AKAP7: variants seen among roughly 807,000 people sequenced by gnomAD.
AKAP7 encodes A-kinase anchoring protein 7.
A neutral mutation model predicts 39.5 loss-of-function variants in AKAP7; 39 were observed. The observed-to-expected ratio is 0.99, with a 90% confidence interval of 0.76 to 1.29. AKAP7 has a LOEUF of 1.29. AKAP7 is among the 50% of genes most tolerant of loss of function. The pLI is 0.00. For synonymous variants in AKAP7, 140 were observed against 139.1 expected (o/e 1.01, Z -0.05); for missense variants, 414 against 407.7 (o/e 1.02, Z -0.13).
chr6:131,132,843 G>A (rs1372765330), upstream of AKAP7, among the ~76,000 whole-genome samples: 3 of 152,176 alleles, frequency 2.0e-5, no homozygotes, highest in Admixed American at 1.3e-4. Flanking sequence ...CATTAATGAT[G>A]CTGAGTTTAA....
chr6:131,207,491 A>ATATTTTTTTTTTTTTTTTTTTT (rs1554211848), intron 6 of AKAP7, among the ~76,000 whole-genome samples: 20 of 78,806 alleles, frequency 2.5e-4, no homozygotes, highest in African/African-American at 9.9e-4. Flanking sequence ...GCTAATTAAA[A>ATATTTTTTTTTTTTTTTTTTTT]TTTTTTTTTT....
chr6:131,223,382 A>G (rs1036432370), intron 7 of AKAP7, among the ~76,000 whole-genome samples: 1 of 152,242 alleles, frequency 6.6e-6, no homozygotes, highest in African/African-American at 2.4e-5. Flanking sequence ...AAAATGTTCA[A>G]GAGACACAAT....
chr6:131,207,491 ATTTTTTTTTT>A (rs531582478), intron 6 of AKAP7, among the ~76,000 whole-genome samples: 7 of 78,806 alleles, frequency 8.9e-5, no homozygotes, highest in Non-Finnish European at 1.5e-4. Flanking sequence ...GCTAATTAAA[ATTTTTTTTTT>A]TTTTTTTTTT....
intron 7 of AKAP7, among the ~76,000 whole-genome samples, chr6:131,257,535 C>G (rs773399683): frequency 6.6e-6 from 1 of 152,118 alleles, no homozygotes; most frequent in Non-Finnish European, 1.5e-5. Flanking sequence ...GGAACTCTTT[C>G]CCCCACTTCT....
chr6:131,243,852 A>G (rs898809045), intron 7 of AKAP7, among the ~76,000 whole-genome samples: 1 of 152,114 alleles, frequency 6.6e-6, no homozygotes, highest in Non-Finnish European at 1.5e-5. Context: ...TGTTTCTGAA[A>G]TATGTTTCTT....
intron 5 of AKAP7, among the ~76,000 whole-genome samples, chr6:131,181,098 G>A (rs781035664): frequency 6.6e-6 from 1 of 151,992 alleles, no homozygotes; most frequent in Non-Finnish European, 1.5e-5. Flanking sequence ...ACCATGCCTG[G>A]CTAATTTTTG....
intron 6 of AKAP7, among the ~76,000 whole-genome samples, chr6:131,205,565 C>T (rs560837310): frequency 9.9e-5 from 15 of 152,222 alleles, no homozygotes; most frequent in African/African-American, 3.4e-4. Flanking sequence ...TTTGAAAATA[C>T]AGAAACTCTC....
At chr6:131,242,073 G>A in intron 7 of AKAP7, 4 of 982,874 alleles carry the variant, frequency 4.1e-6, no homozygotes, top group Non-Finnish European at 4.8e-6. Context: ...ACCGTAATAT[G>A]TTTTATATAA....
Position 131,282,809 on chromosome 6 carries a change from T to C in AKAP7, c.*1083T>C. ...ACACTTGTGTTTTAGAATATCTGTT[T>C]CTGTAATATTGAGAGTTATTTTATA... On this transcript the variant is annotated 3_prime_UTR_variant, in exon 8 of 8. Coordinates refer to ENST00000431975, the MANE Select transcript of AKAP7 (RefSeq NM_016377.4). 1 of 468,396 alleles carries C rather than the reference T, an allele frequency of 2.1e-6. No homozygotes were observed. The highest frequency in any genetic ancestry group is 4.4e-5 in the South Asian group (1 of 22,676). The allele number at this position is 468,396 out of a possible 1,614,324, so 29.0% of individuals were successfully genotyped here.
chr6:131,171,409 T>C (rs1296630887), intron 5 of AKAP7, among the ~76,000 whole-genome samples: 1 of 151,968 alleles, frequency 6.6e-6, no homozygotes, highest in Non-Finnish European at 1.5e-5. Context: ...ATTGGAGGAG[T>C]GTATCCTGGG....
At chr6:131,146,578 G>C in intron 2 of AKAP7, among the ~76,000 whole-genome samples, 1 of 152,206 alleles carries the variant, frequency 6.6e-6, no homozygotes, top group East Asian at 1.9e-4. Flanking sequence ...TTGTGGGGAG[G>C]AAAATAAGGA....
At position 131,219,874 on chromosome 6, in the gene AKAP7, G is replaced by A. The variant is rs570019576; in HGVS notation, c.850+66G>A. 206 of 1,127,176 alleles carry A rather than the reference G, an allele frequency of 1.8e-4. 1 individual carries two copies. The highest frequency in any genetic ancestry group is 3.1e-4 in the Middle Eastern group (1 of 3,264). The allele number at this position is 1,127,176 out of a possible 1,614,324, so 69.8% of individuals were successfully genotyped here. A position where few individuals can be genotyped will look rare whatever the true frequency, so the allele number is the denominator to read the frequency against. On this transcript the variant is annotated intron_variant, in intron 7 of 7. Coordinates refer to ENST00000431975, the MANE Select transcript of AKAP7 (RefSeq NM_016377.4). ...ATTTTTTTGGCATCACTTTTATCTT[G>A]GCAAATATTTAAACTTAGTTGTATA...
chr6:131,165,141 A>G lies in AKAP7; in HGVS notation c.352A>G (p.Lys118Glu). The stretch of plus-strand genomic sequence containing the variant: ...AATACAACAAGATGAGCGACTGGCC[A>G]AAGCAATGGTCAGTGATGGTTCCTT... ...AIIQQDERLA[K>E]AMVSDGSFHI... The change falls in exon 4 of 8, where the codon AAA becomes GAA. Residue 118 changes from lysine (K) to glutamate (E), a missense_variant. By Grantham distance (56) the Lys-to-Glu change is moderately conservative. Transcript: ENST00000431975. 6.2e-7 allele frequency: 1 copy of G among 1,612,120 alleles called. No individual in the cohort carries two copies. The highest frequency in any genetic ancestry group is 8.5e-7 in the Non-Finnish European group (1 of 1,178,550).
intron 7 of AKAP7, among the ~76,000 whole-genome samples, chr6:131,275,029 T>C (rs1397067080): frequency 6.6e-6 from 1 of 152,218 alleles, no homozygotes; most frequent in Non-Finnish European, 1.5e-5. Context: ...TGCAATTAAC[T>C]AGGTCATCCT....
chr6:131,193,921 A>G (rs1288669073), intron 5 of AKAP7, among the ~76,000 whole-genome samples: 1 of 151,818 alleles, frequency 6.6e-6, no homozygotes, highest in Admixed American at 6.6e-5. Flanking sequence ...CTTATTTTAT[A>G]TATTTGGTTC....
rs1804721533 is a variant in AKAP7 at position 131,177,721 on chromosome 6, T to C, written c.589+8448T>C. Among the ~76,000 whole-genome samples, 5 of 152,212 alleles carry C rather than the reference T, an allele frequency of 3.3e-5. No homozygotes were observed. In the South Asian group the frequency reaches 8.3e-4, roughly 25 times the overall value. On this transcript the variant is annotated intron_variant, in intron 5 of 7. Transcript: ENST00000431975. The stretch of plus-strand genomic sequence containing the variant: ...CTGAGGCACAAAGAAGTTAAGTAAT[T>C]TGTTAGTGAGTAGTGGAACCAGGAC...
chr6:131,152,072 A>C (rs1310624845), intron 2 of AKAP7, among the ~76,000 whole-genome samples: 1 of 150,806 alleles, frequency 6.6e-6, no homozygotes, highest in Admixed American at 6.6e-5. Flanking sequence ...CGAATCAGAG[A>C]GTTACAGCCT....
intron 7 of AKAP7, among the ~76,000 whole-genome samples, chr6:131,228,529 T>A (rs530819563): frequency 3.3e-5 from 5 of 152,344 alleles, no homozygotes; most frequent in African/African-American, 9.6e-5. Context: ...TTTTAATTTT[T>A]ATTTTTTGTA....
the AKAP7 span, among the ~76,000 whole-genome samples, chr6:131,127,041 C>T: frequency 2.7e-5 from 3 of 110,396 alleles, no homozygotes; most frequent in African/African-American, 6.1e-5. Context: ...TTTCATTTTG[C>T]TTTGTTTTTT....
Sources: gnomAD v4.1 joint callset for allele counts (sites outside exome capture counted in the v4.1 genomes callset) on GRCh38, gnomAD v4.1.1 for gene constraint, MANE v1.5 for transcripts, NCBI Gene and HGNC (gene_info 2026-07-23, HGNC 2026-07-21) for gene names.